The following MSRB3 variants were observed in gnomAD, a reference collection of about 807,000 sequenced individuals.
MSRB3 encodes methionine-R-sulfoxide reductase B3.
MSRB3 carries 13 observed loss-of-function variants against 21.0 expected under a neutral mutation model. The ratio of observed to expected loss-of-function variants is 0.62; its 90% confidence interval spans 0.40 to 0.98. The LOEUF (loss-of-function observed/expected upper bound fraction) is 0.98, where lower values mean the gene tolerates loss of function less well. MSRB3 is among the 50% of genes least tolerant of loss of function. The pLI is 0.00. For missense variants in MSRB3, 199 were observed against 230.3 expected (o/e 0.86, Z 0.88); for synonymous variants, 87 against 88.6 (o/e 0.98, Z 0.10).
intron 4 of MSRB3, among the ~76,000 whole-genome samples, chr12:65,349,729 G>C (rs1183322922): frequency 2.7e-5 from 4 of 150,386 alleles, no homozygotes; most frequent in African/African-American, 1.0e-4. Context: ...GTCTGTTCAT[G>C]TCCTTCACCC....
At chr12:65,419,017 A>T in intron 5 of MSRB3, 1 of 711,844 alleles carries the variant, frequency 1.4e-6, no homozygotes. Flanking sequence ...CTCCATCTGC[A>T]GGGTGTACCA....
chr12:65,301,882 A>G (rs1008210981), intron 1 of MSRB3, among the ~76,000 whole-genome samples: 3 of 152,188 alleles, frequency 2.0e-5, no homozygotes, highest in Non-Finnish European at 4.4e-5. Flanking sequence ...AGGAGCAGAG[A>G]TGAGGATTCA....
At chr12:65,281,927 G>T (rs577648372) in intron 1 of MSRB3, 1 of 152,360 alleles carries the variant, frequency 6.6e-6, no homozygotes, top group African/African-American at 2.4e-5. Context: ...TAATTTGCCA[G>T]TTGTTAGTTA....
intron 3 of MSRB3, among the ~76,000 whole-genome samples, chr12:65,327,727 T>A (rs1875142322): frequency 1.3e-5 from 2 of 152,208 alleles, no homozygotes; most frequent in Admixed American, 1.3e-4. Flanking sequence ...GGATCCCTGT[T>A]AACAGGCAAC....
intron 5 of MSRB3, among the ~76,000 whole-genome samples, chr12:65,376,156 T>G (rs1327438310): frequency 1.5e-4 from 23 of 150,950 alleles, no homozygotes; most frequent in Non-Finnish European, 2.4e-4. Flanking sequence ...GTCTCGCTCT[T>G]TCGCCCAGGC....
chr12:65,293,868 G>A (rs1477805567), intron 1 of MSRB3, among the ~76,000 whole-genome samples: 1 of 152,198 alleles, frequency 6.6e-6, no homozygotes, highest in Non-Finnish European at 1.5e-5. Context: ...CTGGGTTGGT[G>A]TGTGTTTGTT....
At chr12:65,448,653 A>T (rs1031026427) in intron 5 of MSRB3, among the ~76,000 whole-genome samples, 1 of 152,216 alleles carries the variant, frequency 6.6e-6, no homozygotes, top group Non-Finnish European at 1.5e-5. Context: ...GAGAACTTGA[A>T]ATGTGGCTAG....
intron 5 of MSRB3, among the ~76,000 whole-genome samples, chr12:65,398,918 G>C (rs766958193): frequency 6.6e-6 from 1 of 152,098 alleles, no homozygotes; most frequent in Non-Finnish European, 1.5e-5. Context: ...GAGGGTTGTA[G>C]GTGTGTGGCG....
chr12:65,444,962 C>A (rs554060077), intron 5 of MSRB3, among the ~76,000 whole-genome samples: 1 of 152,302 alleles, frequency 6.6e-6, no homozygotes, highest in Admixed American at 6.5e-5. Context: ...CAGGACCTTA[C>A]TGTCTTTTAT....
At chr12:65,298,000 C>G (rs367666221) in intron 1 of MSRB3, among the ~76,000 whole-genome samples, 14 of 150,910 alleles carry the variant, frequency 9.3e-5, no homozygotes, top group Admixed American at 2.6e-4. Flanking sequence ...ATAGATGGGT[C>G]TACTTTTTTT....
chr12:65,309,319 A>G (rs1300969289), intron 2 of MSRB3, among the ~76,000 whole-genome samples: 2 of 152,190 alleles, frequency 1.3e-5, no homozygotes, highest in Admixed American at 6.5e-5. Context: ...GAAAACCACA[A>G]TGGCTAAATA....
At chr12:65,452,797 T>C (rs1488493763) in intron 5 of MSRB3, among the ~76,000 whole-genome samples, 1 of 152,190 alleles carries the variant, frequency 6.6e-6, no homozygotes, top group Non-Finnish European at 1.5e-5. Flanking sequence ...GGCTTCTTCC[T>C]TTCTGCAGAA....
At chr12:65,418,375 G>T (rs1364301061) in intron 5 of MSRB3, among the ~76,000 whole-genome samples, 2 of 152,152 alleles carry the variant, frequency 1.3e-5, no homozygotes, top group Non-Finnish European at 2.9e-5. Flanking sequence ...ACTTGTTGGA[G>T]TTCCTTATGT....
intron 5 of MSRB3, among the ~76,000 whole-genome samples, chr12:65,432,400 TA>T (rs1881919956): frequency 6.6e-6 from 1 of 151,922 alleles, no homozygotes; most frequent in African/African-American, 2.4e-5. Context: ...TCCAAAATTT[TA>T]AAAGGGGGGA....
chr12:65,451,037 C>A (rs184324065), intron 5 of MSRB3, among the ~76,000 whole-genome samples: 28 of 152,304 alleles, frequency 1.8e-4, no homozygotes, highest in African/African-American at 6.3e-4. Flanking sequence ...CAAAGCAACT[C>A]AGCATTCTCC....
At chr12:65,388,729 G>T (rs1330689701) in intron 5 of MSRB3, among the ~76,000 whole-genome samples, 1 of 152,032 alleles carries the variant, frequency 6.6e-6, no homozygotes, top group Non-Finnish European at 1.5e-5. Flanking sequence ...AAATTAGCCA[G>T]ACATGGTGGT....
chr12:65,437,147 G>C (rs1346841532), intron 5 of MSRB3, among the ~76,000 whole-genome samples: 1 of 151,872 alleles, frequency 6.6e-6, no homozygotes, highest in South Asian at 2.1e-4. Flanking sequence ...GACAACTTGA[G>C]TAAAGTTTTT....
intron 4 of MSRB3, among the ~76,000 whole-genome samples, chr12:65,360,431 G>A (rs1877635002): frequency 6.6e-6 from 1 of 152,002 alleles, no homozygotes; most frequent in African/African-American, 2.4e-5. Context: ...CACATAGACA[G>A]GAATTCAGAG....
At position 65,383,545 on chromosome 12, in the gene MSRB3, G is replaced by T. The variant is rs140926471; in HGVS notation, c.292+14519G>T. 3.3e-5 allele frequency among the ~76,000 whole-genome samples: 5 copies of T among 151,682 alleles called. No individual in the cohort carries two copies. In the East Asian group the frequency reaches 9.7e-4, roughly 29 times the overall value. On this transcript the variant is annotated intron_variant, in intron 5 of 6. Transcript: ENST00000308259. ...AGTGTTGATTCAACAGCTATTTACT[G>T]TTCACAGTATTTTAGTATTTGTAAA... is the stretch of plus-strand genomic sequence containing the variant.
Sources: gnomAD v4.1 joint callset for allele counts (sites outside exome capture counted in the v4.1 genomes callset) on GRCh38, gnomAD v4.1.1 for gene constraint, MANE v1.5 for transcripts, NCBI Gene and HGNC (gene_info 2026-07-23, HGNC 2026-07-21) for gene names.